Variants in SPATA7 observed in about 807,000 individuals in gnomAD.
The protein encoded by SPATA7 is spermatogenesis associated 7.
SPATA7 carries 43 observed loss-of-function variants against 51.8 expected under a neutral mutation model. The ratio of observed to expected loss-of-function variants is 0.83; its 90% CI spans 0.65 to 1.07. The LOEUF is 1.07. Ranked by LOEUF, SPATA7 falls within the 50% of genes least tolerant of loss-of-function variation. The pLI, the probability that SPATA7 is intolerant of heterozygous loss-of-function variation, is 0.00. For synonymous variants in SPATA7, 230 were observed against 252.8 expected (o/e 0.91, Z 0.86); for missense variants, 683 against 701.3 (o/e 0.97, Z 0.30).
chr14:88,406,007 G>A (rs528348067), intron 4 of SPATA7, among the ~76,000 whole-genome samples: 4 of 152,196 alleles, frequency 2.6e-5, no homozygotes, highest in Non-Finnish European at 4.4e-5. Context: ...TAGAGTAATT[G>A]CAAATATTAT....
chr14:88,464,601 A>ACAT (rs1472948976), intron 4 of SPATA7, among the ~76,000 whole-genome samples: 1 of 152,122 alleles, frequency 6.6e-6, no homozygotes, highest in Non-Finnish European at 1.5e-5. Context: ...GTAATGGCGC[A>ACAT]CATCTGTAAT....
chr14:88,427,693 G>A lies in SPATA7; in HGVS notation c.909G>A (p.Lys303=), dbSNP rs2076834547. Residue 303 remains lysine, a synonymous_variant, in exon 7 of 12, where the codon AAG becomes AAA. Coordinates refer to ENST00000393545, the MANE Select transcript of SPATA7 (RefSeq NM_018418.5). ...KNMTDSEMNI[K]QASNCVTYDA... is the part of the protein sequence containing the mutation. ...TGACAGATTCAGAAATGAACATAAAGCAGGTAATAAGTATGAAATCTTTTG... is the reference window on the plus strand; with the variant it reads ...TGACAGATTCAGAAATGAACATAAAACAGGTAATAAGTATGAAATCTTTTG... The A allele has an allele frequency of 8.7e-6, 14 of 1,606,188 alleles. No homozygotes were observed. The highest frequency in any genetic ancestry group is 1.2e-5 in the Non-Finnish European group (14 of 1,173,290).
chr14:88,416,658 A>C, intron 4 of SPATA7, 53 bp from the exon 5 acceptor site: 1 of 1,598,250 alleles, frequency 6.3e-7, no homozygotes, highest in Non-Finnish European at 8.6e-7. Flanking sequence ...CAAGACCAAA[A>C]AACCAATTTT....
At chr14:88,468,883 C>A (rs1247138581) in intron 4 of SPATA7, 1 of 1,613,376 alleles carries the variant, frequency 6.2e-7, no homozygotes, top group Non-Finnish European at 8.5e-7. Flanking sequence ...TCATTTCCAC[C>A]CAAAAAGGCC....
chr14:88,421,805 T>G (rs1295411391), intron 5 of SPATA7, among the ~76,000 whole-genome samples: 1 of 151,868 alleles, frequency 6.6e-6, no homozygotes, highest in Non-Finnish European at 1.5e-5. Context: ...AAAAATTAGC[T>G]GGGCATGGTG....
At chr14:88,389,577 A>G (rs1045840766) in intron 1 of SPATA7, among the ~76,000 whole-genome samples, 3 of 152,230 alleles carry the variant, frequency 2.0e-5, no homozygotes, top group African/African-American at 7.2e-5. Context: ...GCCTTGGTGT[A>G]CGTCTGATGG....
chr14:88,429,890 C>CTCTTTATTTATT (rs2076894877), intron 8 of SPATA7, among the ~76,000 whole-genome samples: 1 of 143,474 alleles, frequency 7.0e-6, no homozygotes, highest in Non-Finnish European at 1.5e-5. Flanking sequence ...TATGAAGACA[C>CTCTTTATTTATT]TATTTATTTA....
intron 3 of SPATA7, among the ~76,000 whole-genome samples, chr14:88,452,169 A>G (rs536185450): frequency 1.2e-3 from 184 of 152,206 alleles, no homozygotes; most frequent in Non-Finnish European, 2.2e-3. Flanking sequence ...TGAGAGCCAA[A>G]CTGCAGTGAT....
intron 1 of SPATA7, chr14:88,386,101 C>A: frequency 1.5e-6 from 2 of 1,332,250 alleles, no homozygotes; most frequent in Non-Finnish European, 2.0e-6. Flanking sequence ...CAGGGTCGTG[C>A]AGCCTTTAAA....
intron 3 of SPATA7, 87 bp downstream of exon 3, chr14:88,393,575 A>G (rs1455342237): frequency 1.1e-6 from 1 of 932,784 alleles, no homozygotes; most frequent in Admixed American, 2.0e-5. Context: ...GCAAAAATGA[A>G]TACCTTATAT....
chr14:88,444,005 G>A (rs1324829811), intron 3 of SPATA7, among the ~76,000 whole-genome samples: 5 of 151,852 alleles, frequency 3.3e-5, no homozygotes, highest in Non-Finnish European at 7.4e-5. Flanking sequence ...ACCCAGTAAT[G>A]GGATGGCTGG....
chr14:88,469,947 A>G lies in SPATA7; in HGVS notation c.*80A>G. 2 of 1,614,072 alleles carry G rather than the reference A, an allele frequency of 1.2e-6. No individual in the cohort carries two copies. The highest frequency in any genetic ancestry group is 1.7e-6 in the Non-Finnish European group (2 of 1,180,008). ...CTCTTCTGCTGTCACCATTGCTATAATTGCAATTCCCTGTTCCCATACCAT... is the reference window on the plus strand; with the variant it reads ...CTCTTCTGCTGTCACCATTGCTATAGTTGCAATTCCCTGTTCCCATACCAT... On this transcript the variant is annotated 3_prime_UTR_variant, in exon 5 of 5. Coordinates refer to the SPATA7 transcript ENST00000556406. The surrounding 1 kb of genome is among the most constrained non-coding windows in gnomAD (Gnocchi z 4.3).
At position 88,385,666 on chromosome 14, in the gene SPATA7, A is replaced by AG. The variant is rs1314736923; in HGVS notation, c.-152dup. On this transcript the variant is annotated 5_prime_UTR_variant, in exon 1 of 12. Transcript: ENST00000393545. Reference sequence around the variant, plus strand: ...GTCACAATAGCGACTCACTGGACCCAGCCCTTAGCAACGGCCTGGCAACGG... The same window carrying AG: ...GTCACAATAGCGACTCACTGGACCCAGGCCCTTAGCAACGGCCTGGCAACGG... The AG allele has an allele frequency of 1.3e-6, 1 of 762,572 alleles. No homozygotes were observed. The highest frequency in any genetic ancestry group is 2.3e-6 in the Non-Finnish European group (1 of 437,956). 47.2% of individuals were successfully genotyped at this position (762,572 alleles called of 1,614,324 possible). A position where few individuals can be genotyped will look rare whatever the true frequency, so the allele number is the denominator to read the frequency against.
intron 7 of SPATA7, chr14:88,427,985 A>G (rs1019526961): frequency 1.5e-5 from 4 of 258,650 alleles, no homozygotes; most frequent in East Asian, 1.5e-4. Flanking sequence ...TACCTTAAGT[A>G]TTGTTTTCAA....
chr14:88,423,495 G>A (rs1329533345), intron 5 of SPATA7, among the ~76,000 whole-genome samples: 1 of 151,156 alleles, frequency 6.6e-6, no homozygotes, highest in Non-Finnish European at 1.5e-5. Context: ...GGTCGTGGCT[G>A]CAGTGAGCCA....
intron 1 of SPATA7, among the ~76,000 whole-genome samples, chr14:88,386,671 A>G (rs952243853): frequency 3.9e-5 from 6 of 152,094 alleles, no homozygotes; most frequent in African/African-American, 1.2e-4. Flanking sequence ...GCATTTTCAC[A>G]CTTTCTGAGC....
chr14:88,445,444 G>GGA (rs952980347), intron 3 of SPATA7, among the ~76,000 whole-genome samples: 1 of 152,144 alleles, frequency 6.6e-6, no homozygotes, highest in African/African-American at 2.4e-5. Context: ...GGGACAGTTT[G>GGA]ACTTCCTCTT....
At chr14:88,414,908 G>A (rs2076434625) in intron 4 of SPATA7, among the ~76,000 whole-genome samples, 1 of 151,716 alleles carries the variant, frequency 6.6e-6, no homozygotes, top group Non-Finnish European at 1.5e-5. Context: ...TTCCACCGTG[G>A]TCCAAAAATA....
In SPATA7 at chr14:88,449,698, T is replaced by G. The variant is rs148256297; in HGVS notation, c.178-5362T>G. On this transcript the variant is annotated intron_variant, in intron 3 of 3. Coordinates refer to the SPATA7 transcript ENST00000554802. ...GTATTGAAGTCCCCCACTATTACTG[T>G]ATTAACATCTATCTCATTTTTTTGG... Among the ~76,000 whole-genome samples the G allele has an allele frequency of 4.1e-3, 618 of 152,312 alleles. 8 individuals are homozygous for G. The highest frequency in any genetic ancestry group is 0.014 in the African/African-American group (599 of 41,562).
Sources: gnomAD v4.1 joint callset for allele counts (sites outside exome capture counted in the v4.1 genomes callset) on GRCh38, gnomAD v4.1.1 for gene constraint, Gnocchi (gnomAD v3.1) non-coding constraint, MANE v1.5 for transcripts, NCBI Gene and HGNC (gene_info 2026-07-23, HGNC 2026-07-21) for gene names.